Variants in TANC2 observed in about 807,000 individuals in gnomAD.
The protein encoded by TANC2 is protein TANC2.
Under a neutral mutation model 210.5 loss-of-function variants are expected in TANC2, and 26 were observed. That is an observed-to-expected ratio of 0.12 (90% CI 0.09 to 0.17). The LOEUF (loss-of-function observed/expected upper bound fraction) is 0.17, where lower values mean the gene tolerates loss of function less well. Ranked by LOEUF, TANC2 falls within the 10% of genes least tolerant of loss-of-function variation. The probability of loss-of-function intolerance (pLI) is 1.00; values close to 1 mark genes in which losing one functional copy is unlikely to be tolerated. For synonymous variants in TANC2, 931 were observed against 967.1 expected, an observed-to-expected ratio of 0.96 and a Z score of 0.69; for missense variants, 2,129 against 2,608.9, an observed-to-expected ratio of 0.82 and a Z score of 4.01.
At chr17:62,972,199 A>T (rs1333498765) in intron 1 of TANC2, among the ~76,000 whole-genome samples, 3 of 152,172 alleles carry the variant, frequency 2.0e-5, no homozygotes, top group African/African-American at 7.2e-5. Context: ...AATTATGTGA[A>T]AGCTGTGTTT....
intron 8 of TANC2, among the ~76,000 whole-genome samples, chr17:63,249,955 A>G (rs1174324080): frequency 6.6e-6 from 1 of 152,156 alleles, no homozygotes; most frequent in Non-Finnish European, 1.5e-5. Context: ...AAAATGTTGT[A>G]TACCAAATGT....
exon 5 of TANC2, chr17:63,151,361 C>T (rs2039648011): frequency 6.1e-6 from 6 of 985,782 alleles, no homozygotes; most frequent in Non-Finnish European, 6.0e-6. Flanking sequence ...AGAAACTGGA[C>T]GTGGATGCAT....
At chr17:62,982,015 G>C (rs2032328656) in intron 1 of TANC2, among the ~76,000 whole-genome samples, 2 of 152,138 alleles carry the variant, frequency 1.3e-5, no homozygotes, top group African/African-American at 4.8e-5. Flanking sequence ...AATCTTCTGT[G>C]GCATTTCATG....
chr17:63,295,816 A>C (rs868029274), intron 9 of TANC2, among the ~76,000 whole-genome samples: 6 of 152,204 alleles, frequency 3.9e-5, no homozygotes, highest in African/African-American at 7.2e-5. Flanking sequence ...TTACATCCCT[A>C]TAAGACTAAT....
At chr17:63,143,103 C>G (rs1482290106) in intron 4 of TANC2, among the ~76,000 whole-genome samples, 1 of 152,142 alleles carries the variant, frequency 6.6e-6, no homozygotes, top group Admixed American at 6.5e-5. Context: ...GGGAACAGCT[C>G]ATATGTTTTA....
chr17:63,228,199 T>C (rs993077742), intron 7 of TANC2, among the ~76,000 whole-genome samples: 1 of 152,214 alleles, frequency 6.6e-6, no homozygotes, highest in African/African-American at 2.4e-5. Flanking sequence ...CCTTTCCCCA[T>C]TACTTGTTTT....
chr17:63,085,107 A>G (rs560812511), intron 3 of TANC2, among the ~76,000 whole-genome samples: 5 of 152,138 alleles, frequency 3.3e-5, no homozygotes, highest in Non-Finnish European at 7.4e-5. Flanking sequence ...ATATTCCTCT[A>G]TTTATCCGTG....
chr17:62,988,844 G>C lies in TANC2; in HGVS notation c.-23-20693G>C, dbSNP rs188556711. On this transcript the variant is annotated intron_variant, in intron 1 of 27. Coordinates refer to ENST00000689528, the Ensembl canonical transcript of TANC2. ...AACCAGTACTAGCTGCAGTTTTTCA[G>C]CATGCCCAGGAACTGAGCATTAGAC... is the stretch of plus-strand genomic sequence containing the variant. 1.4e-3 allele frequency among the ~76,000 whole-genome samples: 213 copies of C among 152,236 alleles called. 1 individual carries two copies. The highest frequency in any genetic ancestry group is 1.9e-3 in the Non-Finnish European group (131 of 68,004).
rs549033616 is a variant in TANC2, at chr17:63,187,003, A to G, written c.434-6988A>G. Among the ~76,000 whole-genome samples the G allele has an allele frequency of 2.6e-5, 4 of 152,310 alleles. No homozygotes were observed. The South Asian group carries it at 6.2e-4, about 24-fold the overall frequency. ...AAGTACTGTCTTTGTTTAGGGACAT[A>G]TCTTAATTGGAGTGTATTGTGTTAT... On this transcript the variant is annotated intron_variant, in intron 5 of 27. Coordinates refer to ENST00000689528, the Ensembl canonical transcript of TANC2.
rs190275775 is a variant in TANC2, at chr17:63,376,206, G to A, written c.2583-3512G>A. On this transcript the variant is annotated intron_variant, in intron 14 of 27. Transcript: ENST00000689528. ...CCCAGCACTTTGGGAGGCCAAGGCG[G>A]GTGGATCATGAAGTCAGGAGATTGA... Among the ~76,000 whole-genome samples, 170 of 151,972 alleles carry A rather than the reference G, an allele frequency of 1.1e-3. 2 individuals are homozygous for A. Among genetic ancestry groups the A allele is most frequent in the African/African-American group, 3.8e-3 (157 of 41,444 alleles).
At chr17:63,138,800 G>T (rs1169257266) in intron 4 of TANC2, among the ~76,000 whole-genome samples, 1 of 152,186 alleles carries the variant, frequency 6.6e-6, no homozygotes. Flanking sequence ...ATGACCTCAT[G>T]ATTTACTCTC....
intron 9 of TANC2, among the ~76,000 whole-genome samples, chr17:63,308,835 T>G (rs975226147): frequency 1.3e-5 from 2 of 152,122 alleles, no homozygotes; most frequent in Non-Finnish European, 2.9e-5. Flanking sequence ...AACAACCAAT[T>G]CATTTTGCAG....
intron 18 of TANC2, 170 bp downstream of exon 18, chr17:63,396,098 C>G (rs2048147458): frequency 1.6e-6 from 1 of 625,812 alleles, no homozygotes; most frequent in Admixed American, 3.1e-5. Context: ...TACTCAAATG[C>G]CAAAGTCCCT....
chr17:63,395,861 G>T (rs2048140261), exon 18 of TANC2: 1 of 1,611,270 alleles, frequency 6.2e-7, no homozygotes, highest in Non-Finnish European at 8.5e-7. Context: ...CAGCAGCAAG[G>T]AGTATTTAAG....
At chr17:63,173,817 TTAA>T (rs1435298076) in intron 5 of TANC2, among the ~76,000 whole-genome samples, 5 of 152,196 alleles carry the variant, frequency 3.3e-5, no homozygotes, top group Admixed American at 2.6e-4. Flanking sequence ...AATAAATTTT[TTAA>T]TAATAATCAG....
At chr17:63,059,714 A>G (rs923224378) in intron 2 of TANC2, among the ~76,000 whole-genome samples, 12 of 151,912 alleles carry the variant, frequency 7.9e-5, no homozygotes, top group Non-Finnish European at 1.5e-5. Flanking sequence ...TTCTTTAAAC[A>G]TTTTATGATC....
intron 5 of TANC2, among the ~76,000 whole-genome samples, chr17:63,191,754 C>T (rs565704419): frequency 9.9e-5 from 15 of 152,136 alleles, no homozygotes; most frequent in South Asian, 2.1e-4. Flanking sequence ...TGAGCCACCG[C>T]GCCTGGCCCC....
intron 5 of TANC2, among the ~76,000 whole-genome samples, chr17:63,192,221 A>G (rs1383129126): frequency 6.6e-6 from 1 of 152,238 alleles, no homozygotes; most frequent in Non-Finnish European, 1.5e-5. Flanking sequence ...CGAGGTAAGT[A>G]AATAGGAAAG....
intron 4 of TANC2, among the ~76,000 whole-genome samples, chr17:63,112,704 T>C (rs1479635235): frequency 6.6e-6 from 1 of 152,070 alleles, no homozygotes; most frequent in Non-Finnish European, 1.5e-5. Flanking sequence ...GTGTGTAGAG[T>C]TTCTTTTTGT....
Sources: allele counts gnomAD v4.1 joint callset (sites outside exome capture counted in the v4.1 genomes callset), GRCh38; gene constraint gnomAD v4.1.1; transcripts MANE v1.5; gene names NCBI Gene and HGNC (gene_info 2026-07-23, HGNC 2026-07-21).